The following COL4A3 variants were observed in gnomAD, a reference collection of about 807,000 sequenced individuals.
The protein encoded by COL4A3 is collagen alpha-3(IV) chain.
In COL4A3, 135 loss-of-function variants were observed where a neutral mutation model predicts 217.4. The ratio of observed to expected loss-of-function variants is 0.62; its 90% confidence interval spans 0.54 to 0.72. The LOEUF is 0.72. Ranked by LOEUF, COL4A3 falls within the 30% of genes least tolerant of loss-of-function variation. The probability of loss-of-function intolerance (pLI) is 0.00; values close to 1 mark genes in which losing one functional copy is unlikely to be tolerated. For missense variants in COL4A3, 1,868 were observed against 2,119.9 expected (o/e 0.88, Z 2.33); for synonymous variants, 690 against 736.3 (o/e 0.94, Z 1.02).
chr2:227,253,391 A>G lies in COL4A3; in HGVS notation c.687+54A>G. On this transcript the variant is annotated intron_variant, in intron 12 of 51. Transcript: ENST00000396578. This position sits in a 1 kb window ranked among gnomAD's most constrained non-coding sequence, Gnocchi z 4.4. Reference sequence around the variant, plus strand: ...GGCGAGATATTTTATGTCCCAGAGCATATCAGCCTATACCGTTTACTTACG... The same window carrying G: ...GGCGAGATATTTTATGTCCCAGAGCGTATCAGCCTATACCGTTTACTTACG... The G allele has an allele frequency of 6.4e-7, 1 of 1,572,088 alleles. No individual in the cohort carries two copies. The highest frequency in any genetic ancestry group is 8.8e-7 in the Non-Finnish European group (1 of 1,141,776).
At chr2:227,278,415 C>T (rs1439241327) in intron 28 of COL4A3, among the ~76,000 whole-genome samples, 1 of 152,130 alleles carries the variant, frequency 6.6e-6, no homozygotes, top group Admixed American at 6.6e-5. Flanking sequence ...TTACAATATT[C>T]TTTAAAATGT....
At chr2:227,285,936 T>C (rs2072294467) in intron 34 of COL4A3, among the ~76,000 whole-genome samples, 1 of 152,208 alleles carries the variant, frequency 6.6e-6, no homozygotes, top group South Asian at 2.1e-4. Context: ...CCATTTATTT[T>C]TCTAAATCTG....
At chr2:227,290,655 C>A in intron 36 of COL4A3, 92 bp from the exon 37 acceptor site, 1 of 1,264,532 alleles carries the variant, frequency 7.9e-7, no homozygotes, top group South Asian at 1.3e-5. Context: ...AAAAGCCATT[C>A]TTGGGAGAAA....
At chr2:227,218,612 C>G (rs116284769) in intron 1 of COL4A3, among the ~76,000 whole-genome samples, 2,842 of 152,256 alleles carry the variant, frequency 0.019, 28 homozygotes, top group Non-Finnish European at 0.024. Flanking sequence ...AACAGTGAAG[C>G]AAGCTATCAA....
At chr2:227,240,112 T>A in intron 2 of COL4A3, 31 bp from the exon 3 acceptor site, 1 of 1,544,894 alleles carries the variant, frequency 6.5e-7, no homozygotes, top group Non-Finnish European at 8.9e-7. Context: ...TGCTGCTCTG[T>A]GTGTTTCTCA....
chr2:227,195,108 ACTGTTAGG>A (rs2125714085), intron 1 of COL4A3, among the ~76,000 whole-genome samples: 1 of 152,292 alleles, frequency 6.6e-6, no homozygotes, highest in East Asian at 1.9e-4. Context: ...TCCAGAAATG[ACTGTTAGG>A]CTATTCAACA....
At chr2:227,303,505 T>C (rs1239506494) in intron 44 of COL4A3, among the ~76,000 whole-genome samples, 1 of 152,202 alleles carries the variant, frequency 6.6e-6, no homozygotes, top group Non-Finnish European at 1.5e-5. Flanking sequence ...ATTCACCACA[T>C]GGTAGAACAG....
chr2:227,260,187 G>A (rs991929590), intron 19 of COL4A3: 31 of 504,560 alleles, frequency 6.1e-5, no homozygotes, highest in African/African-American at 5.6e-4. Flanking sequence ...GGATTACGAA[G>A]GGAAAAATGG....
chr2:227,290,725 T>A (rs747099342), intron 36 of COL4A3, 22 bp from the exon 37 acceptor site: 22 of 1,611,154 alleles, frequency 1.4e-5, no homozygotes, highest in Non-Finnish European at 1.9e-5. Context: ...TATTTTACTC[T>A]ATGTTTTCCC....
intron 26 of COL4A3, among the ~76,000 whole-genome samples, chr2:227,274,488 C>T (rs1458000840): frequency 6.7e-6 from 1 of 149,098 alleles, no homozygotes; most frequent in East Asian, 1.9e-4. Flanking sequence ...CTGCACCTTA[C>T]TTTGGAGCTG....
At position 227,298,686 on chromosome 2, in the gene COL4A3, G is replaced by T. The variant is rs112516617; in HGVS notation, c.3756G>T (p.Ala1252=). The T allele has an allele frequency of 9.3e-6, 15 of 1,613,748 alleles. No homozygotes were observed. The African/African-American group carries it at 1.5e-4, about 16-fold the overall frequency. ...GPPGSRGSPG[A]PGPPGPPGSH... Reference sequence around the variant, plus strand: ...ACAGACTTTTCATGAATTCAGGTGCGCCTGGTCCCCCTGGACCTCCAGGGA... The same window carrying T: ...ACAGACTTTTCATGAATTCAGGTGCTCCTGGTCCCCCTGGACCTCCAGGGA... The change falls in exon 43 of 52, where the codon GCG becomes GCT. Residue 1252 remains alanine, a synonymous_variant. Coordinates refer to ENST00000396578, the MANE Select transcript of COL4A3 (RefSeq NM_000091.5).
chr2:227,233,517 CTGTT>C (rs887718551), intron 1 of COL4A3, among the ~76,000 whole-genome samples: 10 of 152,126 alleles, frequency 6.6e-5, no homozygotes, highest in African/African-American at 1.9e-4. Flanking sequence ...GTTCATGTTT[CTGTT>C]TGTTTGTTTT....
chr2:227,288,995 C>T lies in COL4A3; in HGVS notation c.2882-155C>T, dbSNP rs1265865038. Among the ~76,000 whole-genome samples, 10 of 147,390 alleles carry T rather than the reference C, an allele frequency of 6.8e-5. No individual in the cohort carries two copies. The East Asian group carries it at 1.2e-3, about 18-fold the overall frequency. ...AGATGGAGTCTCGTTCTGTCGCCCA[C>T]GCTGGAGTGCAGTGGCACGATCTCA... On this transcript the variant is annotated intron_variant, in intron 34 of 51. Coordinates refer to ENST00000396578, the MANE Select transcript of COL4A3 (RefSeq NM_000091.5).
intron 1 of COL4A3, among the ~76,000 whole-genome samples, chr2:227,194,168 A>T (rs1407184661): frequency 1.3e-5 from 2 of 152,194 alleles, no homozygotes; most frequent in East Asian, 1.9e-4. Flanking sequence ...CATACCTGTT[A>T]TATCATCAGC....
At chr2:227,300,501 G>A (rs2073232300) in intron 43 of COL4A3, among the ~76,000 whole-genome samples, 1 of 152,170 alleles carries the variant, frequency 6.6e-6, no homozygotes, top group Admixed American at 6.5e-5. Context: ...CAACACCACA[G>A]CCGTCGTCCC....
chr2:227,270,892 CTTGG>C lies in COL4A3; in HGVS notation c.1699_1702del (p.Leu567MetfsTer9). 1 of 1,614,122 alleles carries C rather than the reference CTTGG, an allele frequency of 6.2e-7. No individual in the cohort carries two copies. Among genetic ancestry groups the C allele is most frequent in the Non-Finnish European group, 8.5e-7 (1 of 1,180,024 alleles). On this transcript the variant is annotated frameshift_variant, in exon 25 of 52. Coordinates refer to ENST00000396578, the MANE Select transcript of COL4A3 (RefSeq NM_000091.5). LOFTEE classifies it high-confidence loss of function. Reference sequence around the variant, plus strand: ...TCAGAGGCCAACCTGGGAGAAAGGGCTTGGATGGAATTCCTGGAACTCCGGGAGT... The same window carrying C: ...TCAGAGGCCAACCTGGGAGAAAGGGCATGGAATTCCTGGAACTCCGGGAGT...
intron 1 of COL4A3, among the ~76,000 whole-genome samples, chr2:227,200,493 G>A (rs2066642994): frequency 6.6e-6 from 1 of 152,152 alleles, no homozygotes; most frequent in African/African-American, 2.4e-5. Flanking sequence ...GCACATAGTC[G>A]ATGCCTAAAG....
At position 227,164,962 on chromosome 2, in the gene COL4A3, CAGGCAGCGAGCGGA is replaced by C. The variant is rs2065171587; in HGVS notation, c.87+153_87+166del. The C allele has an allele frequency of 9.6e-7, 1 of 1,045,480 alleles. No homozygotes were observed. The highest frequency in any genetic ancestry group is 1.8e-5 in the South Asian group (1 of 54,682). The allele number at this position is 1,045,480 out of a possible 1,614,324, so 64.8% of individuals were successfully genotyped here. On this transcript the variant is annotated intron_variant, in intron 1 of 51. Transcript: ENST00000396578. The surrounding 1 kb of genome is among the most constrained non-coding windows in gnomAD (Gnocchi z 4.8). ...TGAGGGCTTCACGCAGGTCCCGGGA[CAGGCAGCGAGCGGA>C]AGGGAGCAAGCGGGGATGCCCCGGA... is the stretch of plus-strand genomic sequence containing the variant.
intron 1 of COL4A3, among the ~76,000 whole-genome samples, chr2:227,203,028 T>C (rs1252067889): frequency 1.3e-5 from 1 of 76,076 alleles, no homozygotes; most frequent in Non-Finnish European, 2.6e-5. Context: ...TATATATGTG[T>C]ATATATACAT....
Sources: allele counts gnomAD v4.1 joint callset (sites outside exome capture counted in the v4.1 genomes callset), GRCh38; gene constraint gnomAD v4.1.1; non-coding constraint Gnocchi (gnomAD v3.1); transcripts MANE v1.5; gene names NCBI Gene and HGNC (gene_info 2026-07-23, HGNC 2026-07-21).